SCAF8: variants seen among roughly 807,000 people sequenced by gnomAD.
SCAF8 encodes SR-related and CTD-associated factor 8.
SCAF8 carries 23 observed loss-of-function variants against 140.5 expected under a neutral mutation model. The observed-to-expected ratio is 0.16, with a 90% CI of 0.12 to 0.23. The LOEUF is 0.23. Ranked by LOEUF, SCAF8 falls within the 10% of genes least tolerant of loss-of-function variation. The probability of loss-of-function intolerance (pLI) is 1.00; values close to 1 mark genes in which losing one functional copy is unlikely to be tolerated. For synonymous variants in SCAF8, 575 were observed against 528.9 expected (o/e 1.09, Z -1.20); for missense variants, 1,397 against 1,555.7 (o/e 0.90, Z 1.72).
At chr6:154,827,711 G>A (rs1258178703) in intron 18 of SCAF8, among the ~76,000 whole-genome samples, 1 of 151,728 alleles carries the variant, frequency 6.6e-6, no homozygotes, top group African/African-American at 2.4e-5. Flanking sequence ...CTTAGATTCC[G>A]GTTCACCTGT....
chr6:154,767,388 T>C (rs1165828096), intron 1 of SCAF8, among the ~76,000 whole-genome samples: 1 of 152,062 alleles, frequency 6.6e-6, no homozygotes, highest in African/African-American at 2.4e-5. Context: ...TTTTTTTTTT[T>C]TCTCCAGAAT....
At chr6:154,804,264 G>C (rs1777850564) in intron 8 of SCAF8, among the ~76,000 whole-genome samples, 2 of 151,852 alleles carry the variant, frequency 1.3e-5, no homozygotes, top group African/African-American at 2.4e-5. Flanking sequence ...GTATATATTG[G>C]GGTAATAAAC....
At chr6:154,804,307 A>G (rs1777851693) in intron 8 of SCAF8, among the ~76,000 whole-genome samples, 1 of 152,190 alleles carries the variant, frequency 6.6e-6, no homozygotes, top group Admixed American at 6.5e-5. Context: ...TTAGATACAA[A>G]TGTATCATTT....
At chr6:154,736,877 C>T (rs1166908100) in intron 1 of SCAF8, among the ~76,000 whole-genome samples, 2 of 152,160 alleles carry the variant, frequency 1.3e-5, no homozygotes, top group Non-Finnish European at 2.9e-5. Flanking sequence ...CTAACTTCAC[C>T]GTGTTTCAAA....
Position 154,832,230 on chromosome 6 carries a change from G to A in SCAF8, c.2651G>A (p.Gly884Glu), listed in dbSNP as rs1778766139. 1.2e-6 allele frequency: 2 copies of A among 1,614,092 alleles called. No homozygotes were observed. Among genetic ancestry groups the A allele is most frequent in the Non-Finnish European group, 1.7e-6 (2 of 1,179,998 alleles). The change falls in exon 20 of 20, where the codon GGA becomes GAA. Residue 884 changes from glycine to glutamate, a missense_variant. Transcript: ENST00000367178. Reference protein sequence around the residue: ...PNIPNNSGLVGVQPPNVPNTP... With the variant: ...PNIPNNSGLVEVQPPNVPNTP... ...ATACCTAACAATTCTGGACTTGTAG[G>A]AGTACAGCCACCAAATGTTCCAAAT... is the stretch of plus-strand genomic sequence containing the variant.
At position 154,801,967 on chromosome 6, in the gene SCAF8, C is replaced by G. The variant is rs1420724618; in HGVS notation, c.607-4C>G. The G allele has an allele frequency of 6.4e-7, 1 of 1,559,124 alleles. No individual in the cohort carries two copies. Among genetic ancestry groups the G allele is most frequent in the Non-Finnish European group, 8.6e-7 (1 of 1,156,628 alleles). ...TTTTGTAATATATATTTTTTTCTCT[C>G]CAGCTTCAACAATTAATACAAACCT... On this transcript the variant is annotated splice_region_variant and splice_polypyrimidine_tract_variant and intron_variant, in intron 6 of 19. Transcript: ENST00000367178.
At chr6:154,824,488 T>G in intron 17 of SCAF8, 110 bp downstream of exon 17, 9 of 949,846 alleles carry the variant, frequency 9.5e-6, no homozygotes, top group Non-Finnish European at 1.4e-5. Context: ...TTAGCATGCA[T>G]AGCCTTGTTA....
At position 154,832,831 on chromosome 6, in the gene SCAF8, C is replaced by T. The variant is rs750295995; in HGVS notation, c.3252C>T (p.His1084=). 8.7e-6 allele frequency: 14 copies of T among 1,613,968 alleles called. No individual in the cohort carries two copies. Among genetic ancestry groups the T allele is most frequent in the Middle Eastern group, 1.7e-4 (1 of 6,056 alleles). Residue 1084 remains histidine (H), a synonymous_variant, in exon 20 of 20, where the codon CAC becomes CAT. Coordinates refer to ENST00000367178, the MANE Select transcript of SCAF8 (RefSeq NM_014892.5). ...TAGATCATCTTGGTCGAAGAGACCA[C>T]TTTGGCTTTAATCCAGAGAAGCCCT... ...PGIDHLGRRD[H]FGFNPEKPWG...
chr6:154,774,235 C>T (rs1314771324), intron 2 of SCAF8, among the ~76,000 whole-genome samples, 163 bp downstream of exon 2: 2 of 152,130 alleles, frequency 1.3e-5, no homozygotes, highest in Non-Finnish European at 2.9e-5. Flanking sequence ...TGTAGACTCT[C>T]CCACCTAGAG....
rs1778131851 is a variant in SCAF8 at position 154,812,696 on chromosome 6, G to C, written c.1420+2488G>C. Among the ~76,000 whole-genome samples the C allele has an allele frequency of 2.0e-5, 3 of 152,248 alleles. No individual in the cohort carries two copies. In the South Asian group the frequency reaches 6.2e-4, roughly 32 times the overall value. On this transcript the variant is annotated intron_variant, in intron 12 of 19. Coordinates refer to ENST00000367178, the MANE Select transcript of SCAF8 (RefSeq NM_014892.5). ...TAAGGTTTTCGTGAATAGTCTAGGG[G>C]ATATAAAGCACCAGTGAATAATAAC... is the stretch of plus-strand genomic sequence containing the variant.
At chr6:154,824,872 A>G (rs1295730294) in intron 17 of SCAF8, 1 of 152,280 alleles carries the variant, frequency 6.6e-6, no homozygotes, top group Non-Finnish European at 1.5e-5. Context: ...GAACCTGGTT[A>G]GGCAGAGGTT....
intron 6 of SCAF8, among the ~76,000 whole-genome samples, chr6:154,801,534 ACT>A (rs967407782): frequency 2.0e-5 from 3 of 151,242 alleles, no homozygotes; most frequent in Non-Finnish European, 3.0e-5. Context: ...TAGTTGCCAG[ACT>A]CTACTCTGAG....
At chr6:154,740,937 G>A (rs1778554098) in intron 1 of SCAF8, among the ~76,000 whole-genome samples, 1 of 152,040 alleles carries the variant, frequency 6.6e-6, no homozygotes, top group Non-Finnish European at 1.5e-5. Flanking sequence ...AAGATTTCTT[G>A]AATGAATGGA....
At chr6:154,800,851 T>C (rs2114896731) in intron 6 of SCAF8, among the ~76,000 whole-genome samples, 1 of 151,636 alleles carries the variant, frequency 6.6e-6, no homozygotes, top group Non-Finnish European at 1.5e-5. Context: ...TTTTATTTTG[T>C]GGTAATATTT....
Position 154,808,813 on chromosome 6 carries a change from T to C in SCAF8, c.1226+15T>C, listed in dbSNP as rs1778002575. 1.3e-6 allele frequency: 2 copies of C among 1,514,588 alleles called. No homozygotes were observed. Among genetic ancestry groups the C allele is most frequent in the Non-Finnish European group, 1.8e-6 (2 of 1,089,984 alleles). 93.8% of individuals were successfully genotyped at this position (1,514,588 alleles called of 1,614,324 possible). On this transcript the variant is annotated intron_variant, in intron 11 of 19. Transcript: ENST00000367178. ...TCTCGTTCAAGGTTCTACAATGATA[T>C]TTAATAATAGCCGTGTGTGAACTTT...
chr6:154,781,065 C>CT (rs1777069812), intron 3 of SCAF8, among the ~76,000 whole-genome samples: 1 of 152,102 alleles, frequency 6.6e-6, no homozygotes, highest in Non-Finnish European at 1.5e-5. Flanking sequence ...AATCACCATT[C>CT]TGACTGGTGT....
intron 1 of SCAF8, among the ~76,000 whole-genome samples, chr6:154,761,703 A>G (rs948030288): frequency 2.0e-5 from 3 of 152,140 alleles, no homozygotes; most frequent in African/African-American, 7.2e-5. Flanking sequence ...GAAGTTAACC[A>G]AAGCTTATAT....
Position 154,832,180 on chromosome 6 carries a change from A to G in SCAF8, c.2601A>G (p.Gly867=). Residue 867 remains glycine, a synonymous_variant, in exon 20 of 20, where the codon GGA becomes GGG. Coordinates refer to ENST00000367178, the MANE Select transcript of SCAF8 (RefSeq NM_014892.5). ...IQPPSVSNSS[G]LLGVLPPNIP... ...CACCCAGTGTGTCAAATAGTTCTGGACTTTTGGGAGTGCTACCCCCAAATA... is the reference window on the plus strand; with the variant it reads ...CACCCAGTGTGTCAAATAGTTCTGGGCTTTTGGGAGTGCTACCCCCAAATA... The G allele has an allele frequency of 1.9e-6, 3 of 1,614,112 alleles. No homozygotes were observed. In the South Asian group the frequency reaches 3.3e-5, roughly 18 times the overall value.
chr6:154,751,231 A>ATT (rs879266123), intron 1 of SCAF8, among the ~76,000 whole-genome samples: 11 of 143,050 alleles, frequency 7.7e-5, no homozygotes, highest in African/African-American at 2.0e-4. Context: ...TAAAAACCAC[A>ATT]TTTTTTTTTT....
Sources: gnomAD v4.1 joint callset for allele counts (sites outside exome capture counted in the v4.1 genomes callset) on GRCh38, gnomAD v4.1.1 for gene constraint, MANE v1.5 for transcripts, NCBI Gene and HGNC (gene_info 2026-07-23, HGNC 2026-07-21) for gene names.